The following STX8 variants were observed in gnomAD, a reference collection of about 807,000 sequenced individuals.
STX8 encodes syntaxin 8.
In STX8, 23 loss-of-function variants were observed where a neutral mutation model predicts 37.5. The ratio of observed to expected loss-of-function variants is 0.61; its 90% CI spans 0.44 to 0.87. The LOEUF (loss-of-function observed/expected upper bound fraction) is 0.87, where lower values mean the gene tolerates loss of function less well. Among genes scored for constraint, STX8 ranks in the 40% least tolerant of loss-of-function variants. STX8 has a pLI of 0.00. For synonymous variants in STX8, 115 were observed against 99.1 expected (o/e 1.16, Z -0.95); for missense variants, 313 against 284.7 (o/e 1.10, Z -0.71).
At chr17:9,454,873 A>G (rs1284516923) in intron 6 of STX8, among the ~76,000 whole-genome samples, 1 of 152,022 alleles carries the variant, frequency 6.6e-6, no homozygotes, top group Non-Finnish European at 1.5e-5. Flanking sequence ...AAAAAAAATT[A>G]TCTTACACTC....
chr17:9,430,328 C>T (rs1005719437), intron 6 of STX8, among the ~76,000 whole-genome samples: 1 of 148,368 alleles, frequency 6.7e-6, no homozygotes, highest in South Asian at 2.1e-4. Context: ...ATTTCCAAAA[C>T]TTTAAAATTA....
chr17:9,256,763 C>G (rs1255626083), intron 7 of STX8, among the ~76,000 whole-genome samples: 1 of 152,206 alleles, frequency 6.6e-6, no homozygotes, highest in Non-Finnish European at 1.5e-5. Flanking sequence ...TTCAGGGGCG[C>G]AGCCGACCCC....
chr17:9,338,308 C>T (rs1910207146), intron 7 of STX8, among the ~76,000 whole-genome samples: 1 of 152,084 alleles, frequency 6.6e-6, no homozygotes, highest in Non-Finnish European at 1.5e-5. Flanking sequence ...CCTACATCAG[C>T]CTCCCAAAGT....
chr17:9,462,895 G>A (rs1414057416), intron 6 of STX8, among the ~76,000 whole-genome samples: 4 of 152,162 alleles, frequency 2.6e-5, no homozygotes, highest in Non-Finnish European at 5.9e-5. Flanking sequence ...GTGACAGAAC[G>A]ACTAAAGAAA....
intron 7 of STX8, among the ~76,000 whole-genome samples, chr17:9,268,336 A>C (rs1408456390): frequency 1.3e-5 from 2 of 152,034 alleles, no homozygotes; most frequent in Non-Finnish European, 2.9e-5. Flanking sequence ...TCTACACTGG[A>C]TCGTGGAAAA....
At chr17:9,324,417 C>T (rs74766474) in intron 7 of STX8, among the ~76,000 whole-genome samples, 2,218 of 151,976 alleles carry the variant, frequency 0.015, 63 homozygotes, top group African/African-American at 0.05. Context: ...AGTTCTCCAC[C>T]CTGTGAGCTC....
intron 6 of STX8, among the ~76,000 whole-genome samples, chr17:9,420,729 C>T (rs557675897): frequency 2.0e-5 from 3 of 152,268 alleles, no homozygotes; most frequent in South Asian, 2.1e-4. Flanking sequence ...GCGATTATTA[C>T]GGGGACAGTG....
chr17:9,442,130 C>T (rs1465202562), intron 6 of STX8, among the ~76,000 whole-genome samples: 1 of 152,222 alleles, frequency 6.6e-6, no homozygotes, highest in Non-Finnish European at 1.5e-5. Context: ...TTTACCGCCA[C>T]ACACGTTTTT....
intron 7 of STX8, among the ~76,000 whole-genome samples, chr17:9,271,389 C>T (rs1317611491): frequency 2.6e-5 from 4 of 152,150 alleles, no homozygotes; most frequent in East Asian, 1.9e-4. Flanking sequence ...AGGAAGCGGA[C>T]GTTGCAGTGA....
At chr17:9,502,963 G>T (rs907765404) in intron 5 of STX8, among the ~76,000 whole-genome samples, 1 of 151,884 alleles carries the variant, frequency 6.6e-6, no homozygotes, top group Admixed American at 6.6e-5. Flanking sequence ...AAAATTAGCT[G>T]GGCATGATGG....
At chr17:9,267,538 C>T (rs925377738) in intron 7 of STX8, among the ~76,000 whole-genome samples, 2 of 152,228 alleles carry the variant, frequency 1.3e-5, no homozygotes, top group Non-Finnish European at 2.9e-5. Context: ...AGCCTCCTGC[C>T]ATCGGGCGCA....
intron 6 of STX8, among the ~76,000 whole-genome samples, chr17:9,427,466 C>T (rs182255099): frequency 6.6e-6 from 1 of 152,252 alleles, no homozygotes; most frequent in East Asian, 1.9e-4. Flanking sequence ...TGAAAAATCT[C>T]ACATCCTACA....
intron 5 of STX8, among the ~76,000 whole-genome samples, chr17:9,497,350 G>A (rs1904444705): frequency 6.6e-6 from 1 of 152,172 alleles, no homozygotes; most frequent in African/African-American, 2.4e-5. Context: ...ACTTCTTAAG[G>A]ATGATAATGG....
chr17:9,265,678 T>G (rs1335592533), intron 7 of STX8, among the ~76,000 whole-genome samples: 1 of 152,228 alleles, frequency 6.6e-6, no homozygotes, highest in African/African-American at 2.4e-5. Flanking sequence ...GCATCTCTGT[T>G]GTGGCTTTTG....
intron 6 of STX8, among the ~76,000 whole-genome samples, chr17:9,418,922 CTTTTTTT>C (rs1199002351): frequency 2.7e-5 from 3 of 110,676 alleles, no homozygotes; most frequent in East Asian, 3.0e-4. Context: ...CTTTTTTTTT[CTTTTTTT>C]TTTTTTTTTA....
intron 6 of STX8, among the ~76,000 whole-genome samples, chr17:9,417,465 C>A (rs1389778464): frequency 1.3e-5 from 2 of 152,128 alleles, no homozygotes; most frequent in East Asian, 1.9e-4. Flanking sequence ...AATAAAAAAT[C>A]TATTTGTCTT....
chr17:9,342,288 C>T lies in STX8; in HGVS notation c.643+36264G>A, dbSNP rs1001535426. ...GCCCAGTTCCTAAAAGGCCACAGAC[C>T]GGTACCAGTCCTGGCCCAGGGGTTG... On this transcript the variant is annotated intron_variant, in intron 7 of 7. Transcript: ENST00000306357. Among the ~76,000 whole-genome samples, 6 of 152,110 alleles carry T rather than the reference C, an allele frequency of 3.9e-5. No individual in the cohort carries two copies. The East Asian group carries it at 5.8e-4, about 15-fold the overall frequency.
intron 7 of STX8, among the ~76,000 whole-genome samples, chr17:9,282,115 T>G (rs1013121101): frequency 6.6e-6 from 1 of 152,048 alleles, no homozygotes; most frequent in African/African-American, 2.4e-5. Context: ...AAATTTTTGT[T>G]TGGTACTGAT....
chr17:9,440,405 A>G (rs1904599030), intron 6 of STX8, among the ~76,000 whole-genome samples: 1 of 151,998 alleles, frequency 6.6e-6, no homozygotes, highest in African/African-American at 2.4e-5. Flanking sequence ...CCTGCTTTTC[A>G]TTCTCATTGT....
Sources: gnomAD v4.1 joint callset for allele counts (sites outside exome capture counted in the v4.1 genomes callset) on GRCh38, gnomAD v4.1.1 for gene constraint, MANE v1.5 for transcripts, NCBI Gene and HGNC (gene_info 2026-07-23, HGNC 2026-07-21) for gene names.